USP6NL: variants seen among roughly 807,000 people sequenced by gnomAD.
USP6NL encodes USP6 N-terminal-like protein.
USP6NL carries 26 observed loss-of-function variants against 61.9 expected under a neutral mutation model. That is an observed-to-expected ratio of 0.42 (90% CI 0.31 to 0.58). USP6NL has a LOEUF of 0.58. Among genes scored for constraint, USP6NL ranks in the 20% least tolerant of loss-of-function variants. USP6NL has a pLI of 0.16. For synonymous variants in USP6NL, 432 were observed against 390.1 expected, an observed-to-expected ratio of 1.11 and a Z score of -1.27; for missense variants, 1,114 against 1,034.3, an observed-to-expected ratio of 1.08 and a Z score of -1.06.
In USP6NL at chr10:11,462,688, G is replaced by C; in HGVS notation, c.2240C>G (p.Thr747Arg). The C allele has an allele frequency of 6.2e-7, 1 of 1,613,940 alleles. No individual in the cohort carries two copies. The highest frequency in any genetic ancestry group is 1.1e-5 in the South Asian group (1 of 91,078). ...ATCTCGGGTCCATGATTGTCCCTGC[G>C]TCTCAGGTCTGTATGTATAACTAAC... ...SEVSYTYRPE[T>R]QGQSWTRDAS... The change falls in exon 15 of 15, where the codon ACG becomes AGG. Residue 747 changes from threonine to arginine, a missense_variant. Transcript: ENST00000609104.
At chr10:11,536,469 T>C (rs535507715) in intron 2 of USP6NL, among the ~76,000 whole-genome samples, 11 of 152,328 alleles carry the variant, frequency 7.2e-5, no homozygotes, top group East Asian at 1.9e-4. Flanking sequence ...TTCTTGGAAT[T>C]TGTGATACAA....
chr10:11,580,583 A>C (rs1307335409), intron 2 of USP6NL, among the ~76,000 whole-genome samples: 3 of 152,358 alleles, frequency 2.0e-5, no homozygotes, highest in African/African-American at 7.2e-5. Context: ...GTCAATCTGC[A>C]GTGAAATCAC....
intron 10 of USP6NL, among the ~76,000 whole-genome samples, chr10:11,488,677 G>GT (rs931626482): frequency 1.3e-5 from 2 of 151,998 alleles, no homozygotes; most frequent in East Asian, 1.9e-4. Flanking sequence ...CTCAATTACT[G>GT]TTTTTTTGAC....
intron 2 of USP6NL, chr10:11,565,391 C>T (rs2133549288): frequency 6.6e-6 from 1 of 152,294 alleles, no homozygotes; most frequent in South Asian, 2.1e-4. Flanking sequence ...CCTATAATCC[C>T]AGCACTTTGG....
At chr10:11,594,101 A>G (rs919994151) in intron 2 of USP6NL, among the ~76,000 whole-genome samples, 1 of 151,670 alleles carries the variant, frequency 6.6e-6, no homozygotes, top group African/African-American at 2.4e-5. Flanking sequence ...CATATCCATA[A>G]TTTTTTTTTC....
Position 11,489,042 on chromosome 10 carries a change from T to C in USP6NL, c.664+60A>G. ...TAACTCTTGCAAGCATCTTTGGTTT[T>C]GTTTTAATCTACTTTTTTCCCTACC... On this transcript the variant is annotated intron_variant, in intron 10 of 14. Coordinates refer to ENST00000609104, the MANE Select transcript of USP6NL (RefSeq NM_014688.5). The surrounding 1 kb of genome is among the most constrained non-coding windows in gnomAD (Gnocchi z 5.7). 6.3e-7 allele frequency: 1 copy of C among 1,589,886 alleles called. No homozygotes were observed. Among genetic ancestry groups the C allele is most frequent in the Non-Finnish European group, 8.6e-7 (1 of 1,164,836 alleles).
At chr10:11,519,497 G>A (rs1331562590) in intron 4 of USP6NL, among the ~76,000 whole-genome samples, 1 of 152,122 alleles carries the variant, frequency 6.6e-6, no homozygotes, top group African/African-American at 2.4e-5. Context: ...AGGTATGTTG[G>A]CAGGTGCCTG....
Position 11,463,759 on chromosome 10 carries a change from C to A in USP6NL, c.1169G>T (p.Arg390Met). 6.3e-7 allele frequency: 1 copy of A among 1,574,942 alleles called. No individual in the cohort carries two copies. The highest frequency in any genetic ancestry group is 2.3e-5 in the East Asian group (1 of 43,690). Reference protein sequence around the residue: ...WGVHHLSNGQRSVGRPSPLAS... With the variant: ...WGVHHLSNGQMSVGRPSPLAS... ...CAGCGGGCTCGGCCGGCCCACGCTC[C>A]TCTGTCCGTTGCTCAAGTGATGGAC... The change falls in exon 15 of 15, where the codon AGG becomes ATG. Residue 390 changes from arginine to methionine, a missense_variant. Arg to Met is a moderately conservative substitution (Grantham distance 91). Transcript: ENST00000609104. This position sits in a 1 kb window ranked among gnomAD's most constrained non-coding sequence, Gnocchi z 6.3.
chr10:11,601,316 G>A (rs1171920285), intron 1 of USP6NL, among the ~76,000 whole-genome samples: 3 of 152,092 alleles, frequency 2.0e-5, no homozygotes, highest in Non-Finnish European at 4.4e-5. Flanking sequence ...ACAATACGTT[G>A]TTAAGAGACA....
intron 6 of USP6NL, among the ~76,000 whole-genome samples, chr10:11,504,048 T>C (rs1174910988): frequency 2.0e-5 from 3 of 152,006 alleles, no homozygotes; most frequent in African/African-American, 7.2e-5. Context: ...AAAAGGAATA[T>C]AAAAACGATG....
At chr10:11,567,941 T>C (rs1049956560) in intron 2 of USP6NL, among the ~76,000 whole-genome samples, 1 of 152,014 alleles carries the variant, frequency 6.6e-6, no homozygotes, top group Non-Finnish European at 1.5e-5. Context: ...AAATCCAGGA[T>C]CGAGACCTCT....
intron 13 of USP6NL, among the ~76,000 whole-genome samples, chr10:11,484,527 A>T (rs1226225735): frequency 6.6e-6 from 1 of 151,982 alleles, no homozygotes; most frequent in Admixed American, 6.6e-5. Flanking sequence ...GCTGGGTGCT[A>T]TTCTCCCTGG....
At position 11,599,728 on chromosome 10, in the gene USP6NL, CTTT is replaced by C. The variant is rs1167014471; in HGVS notation, c.-83-2014_-83-2012del. Among the ~76,000 whole-genome samples the C allele has an allele frequency of 9.6e-5, 13 of 135,722 alleles. No individual in the cohort carries two copies. The Admixed American group carries it at 9.7e-4, about 10-fold the overall frequency. 89.0% of individuals were successfully genotyped at this position (135,722 alleles called of 152,430 possible). A position where few individuals can be genotyped will look rare whatever the true frequency, so the allele number is the denominator to read the frequency against. ...TTTAAAATATAGATCCTCCAACCTA[CTTT>C]TTTTTTTTTTTTTTTTTGAGACGTA... On this transcript the variant is annotated intron_variant, in intron 1 of 14. Transcript: ENST00000609104.
At chr10:11,608,602 T>C (rs1259059868) in intron 1 of USP6NL, among the ~76,000 whole-genome samples, 4 of 152,202 alleles carry the variant, frequency 2.6e-5, no homozygotes, top group Non-Finnish European at 5.9e-5. Context: ...GGACTTGCCC[T>C]GACTCCCTCA....
In USP6NL at chr10:11,560,966, C is replaced by T. The variant is rs893805976; in HGVS notation, c.5-33399G>A. The stretch of plus-strand genomic sequence containing the variant: ...ATAATGTACAAGAAGTAACTGCCAA[C>T]CTAAAGGAGTCAGAAAGCTTAAAAA... On this transcript the variant is annotated intron_variant, in intron 2 of 14. Transcript: ENST00000609104. 4.6e-5 allele frequency among the ~76,000 whole-genome samples: 7 copies of T among 151,788 alleles called. No homozygotes were observed. In the South Asian group the frequency reaches 6.2e-4, roughly 14 times the overall value.
rs530674425 is a variant in USP6NL, at chr10:11,589,303, G to A, written c.4+8328C>T. ...TAAAACAACAAATTTAAGCAGGTTT[G>A]AAAATTAAATTCAATATCTGCTGTA... On this transcript the variant is annotated intron_variant, in intron 2 of 14. Coordinates refer to ENST00000609104, the MANE Select transcript of USP6NL (RefSeq NM_014688.5). This position sits in a 1 kb window ranked among gnomAD's most constrained non-coding sequence, Gnocchi z 4.7. Among the ~76,000 whole-genome samples the A allele has an allele frequency of 6.6e-6, 1 of 152,300 alleles. No homozygotes were observed. Among genetic ancestry groups the A allele is most frequent in the African/African-American group, 2.4e-5 (1 of 41,564 alleles).
At chr10:11,559,734 T>TA (rs1435877550) in intron 2 of USP6NL, among the ~76,000 whole-genome samples, 1 of 152,230 alleles carries the variant, frequency 6.6e-6, no homozygotes, top group Non-Finnish European at 1.5e-5. Flanking sequence ...ATCGTGGAGA[T>TA]AGATGGCTGC....
In USP6NL at chr10:11,587,600, C is replaced by T. The variant is rs1251630777; in HGVS notation, c.4+10031G>A. 2.0e-5 allele frequency among the ~76,000 whole-genome samples: 3 copies of T among 152,200 alleles called. No homozygotes were observed. The highest frequency in any genetic ancestry group is 7.2e-5 in the African/African-American group (3 of 41,452). On this transcript the variant is annotated intron_variant, in intron 2 of 14. Transcript: ENST00000609104. The surrounding 1 kb of genome is among the most constrained non-coding windows in gnomAD (Gnocchi z 4.5). ...GCACCAGGTTATGAGAACAGCTAAT[C>T]TTTAGTGAAGCAATCTCAATTTATG...
chr10:11,524,666 C>A (rs767245614), intron 4 of USP6NL, among the ~76,000 whole-genome samples: 23 of 152,098 alleles, frequency 1.5e-4, no homozygotes, highest in Non-Finnish European at 3.2e-4. Context: ...ATAAAAAGTC[C>A]TGGCTTTTTT....
Sources: gnomAD v4.1 joint callset for allele counts (sites outside exome capture counted in the v4.1 genomes callset) on GRCh38, gnomAD v4.1.1 for gene constraint, Gnocchi (gnomAD v3.1) non-coding constraint, MANE v1.5 for transcripts, NCBI Gene and HGNC (gene_info 2026-07-23, HGNC 2026-07-21) for gene names.